The following SNRPN variants were observed in gnomAD, a reference collection of about 807,000 sequenced individuals.
SNRPN encodes small nuclear ribonucleoprotein-associated protein N.
Under a neutral mutation model 25.2 loss-of-function variants are expected in SNRPN, and 7 were observed. The ratio of observed to expected loss-of-function variants is 0.28; its 90% confidence interval spans 0.16 to 0.52. SNRPN has a LOEUF of 0.52. Ranked by LOEUF, SNRPN falls within the 20% of genes least tolerant of loss-of-function variation. The pLI, the probability that SNRPN is intolerant of heterozygous loss-of-function variation, is 0.96. For missense variants in SNRPN, 196 were observed against 322.5 expected (o/e 0.61, Z 3.00); for synonymous variants, 124 against 110.6 (o/e 1.12, Z -0.76).
upstream of SNRPN, among the ~76,000 whole-genome samples, chr15:24,954,736 T>A (rs1245286939): frequency 1.3e-5 from 2 of 152,340 alleles, no homozygotes; most frequent in East Asian, 3.9e-4. Flanking sequence ...TTACACATTT[T>A]AAAAAACAGG....
chr15:24,940,841 A>T (rs756802472), intron 3 of SNRPN, among the ~76,000 whole-genome samples: 1 of 152,160 alleles, frequency 6.6e-6, no homozygotes, highest in Non-Finnish European at 1.5e-5. Flanking sequence ...ATGATGGTAC[A>T]GTCTTGCAAG....
At chr15:24,847,914 T>C (rs2052347516) in intron 2 of SNRPN, among the ~76,000 whole-genome samples, 1 of 151,906 alleles carries the variant, frequency 6.6e-6, no homozygotes, top group South Asian at 2.1e-4. Context: ...CTAAGTTGTT[T>C]GTGTTTCCCT....
At chr15:24,867,381 T>C (rs1247901492) in intron 1 of SNRPN, among the ~76,000 whole-genome samples, 1 of 131,028 alleles carries the variant, frequency 7.6e-6, no homozygotes, top group East Asian at 2.3e-4. Context: ...AATAAGTTTT[T>C]TTTTTTTGGG....
Position 24,968,582 on chromosome 15 carries a change from C to T in SNRPN, c.-144+500C>T, listed in dbSNP as rs535707697. Among the ~76,000 whole-genome samples the T allele has an allele frequency of 5.3e-5, 8 of 152,034 alleles. No individual in the cohort carries two copies. In the South Asian group the frequency reaches 8.3e-4, roughly 16 times the overall value. On this transcript the variant is annotated intron_variant, in intron 3 of 9. Coordinates refer to ENST00000390687, the MANE Select transcript of SNRPN (RefSeq NM_003097.6). ...GTATTAAATTAGTATTCATTGCTTT[C>T]GAAAAATAAAGGGCCAGTTACAACA... is the stretch of plus-strand genomic sequence containing the variant.
At chr15:24,944,331 T>C (rs1306133490) in intron 3 of SNRPN, among the ~76,000 whole-genome samples, 1 of 152,186 alleles carries the variant, frequency 6.6e-6, no homozygotes, top group Admixed American at 6.5e-5. Flanking sequence ...AACTAGACAG[T>C]CTCATTATAC....
upstream of SNRPN, among the ~76,000 whole-genome samples, chr15:24,951,315 C>T (rs759784613): frequency 2.0e-5 from 3 of 152,092 alleles, no homozygotes; most frequent in Non-Finnish European, 4.4e-5. Context: ...ATTTCTCCAC[C>T]TCCTCCACAA....
In SNRPN at chr15:24,975,568, G is replaced by A. The variant is rs549751822; in HGVS notation, c.155+59G>A. The A allele has an allele frequency of 3.3e-5, 47 of 1,436,964 alleles. No homozygotes were observed. In the African/African-American group the frequency reaches 4.9e-4, roughly 15 times the overall value. 89.0% of individuals were successfully genotyped at this position (1,436,964 alleles called of 1,614,324 possible). A position where few individuals can be genotyped will look rare whatever the true frequency, so the allele number is the denominator to read the frequency against. ...CAGAGGCAGTGGGAAGGGAAGGCCAGAGCTGGAGTAAGGGATTTCCGAGGG... is the reference window on the plus strand; with the variant it reads ...CAGAGGCAGTGGGAAGGGAAGGCCAAAGCTGGAGTAAGGGATTTCCGAGGG... On this transcript the variant is annotated intron_variant, in intron 5 of 9. Coordinates refer to ENST00000390687, the MANE Select transcript of SNRPN (RefSeq NM_003097.6).
chr15:24,976,711 A>G (rs1268397049), intron 6 of SNRPN, among the ~76,000 whole-genome samples, 166 bp from the exon 7 acceptor site: 1 of 152,262 alleles, frequency 6.6e-6, no homozygotes, highest in Non-Finnish European at 1.5e-5. Context: ...TGCATTTTAT[A>G]CACAAGATAC....
intron 2 of SNRPN, chr15:24,851,258 C>G (rs923333092): frequency 2.6e-5 from 4 of 152,116 alleles, no homozygotes; most frequent in African/African-American, 9.7e-5. Context: ...ACAAAATAAC[C>G]TCTGATATTT....
chr15:24,839,234 C>A (rs1230408345), intron 2 of SNRPN, among the ~76,000 whole-genome samples: 1 of 151,924 alleles, frequency 6.6e-6, no homozygotes, highest in Non-Finnish European at 1.5e-5. Context: ...TTCAGTAGCT[C>A]CATTGGCTTG....
intron 2 of SNRPN, among the ~76,000 whole-genome samples, chr15:24,845,583 A>C (rs1385000447): frequency 6.6e-6 from 1 of 152,140 alleles, no homozygotes; most frequent in African/African-American, 2.4e-5. Flanking sequence ...GGGCGACAAG[A>C]GCAAAACTCC....
At chr15:24,918,255 A>T (rs1433109721) in intron 2 of SNRPN, among the ~76,000 whole-genome samples, 1 of 150,224 alleles carries the variant, frequency 6.7e-6, no homozygotes, top group African/African-American at 2.4e-5. Flanking sequence ...TTGCCACAGT[A>T]CCACACATTT....
chr15:24,954,972 T>G, upstream of SNRPN: 2 of 1,599,950 alleles, frequency 1.3e-6, no homozygotes, highest in Non-Finnish European at 1.7e-6. Context: ...CTGCCGCTGC[T>G]GCAGCGAGTC....
intron 2 of SNRPN, among the ~76,000 whole-genome samples, chr15:24,919,212 G>A (rs1027486317): frequency 5.3e-5 from 8 of 151,386 alleles, no homozygotes; most frequent in Non-Finnish European, 1.2e-4. Flanking sequence ...GGCGGATCAC[G>A]AGGTCAGGAG....
intron 1 of SNRPN, among the ~76,000 whole-genome samples, chr15:24,868,927 A>C (rs1275104089): frequency 6.6e-6 from 1 of 152,184 alleles, no homozygotes; most frequent in Non-Finnish European, 1.5e-5. Flanking sequence ...ACTTGAGGCC[A>C]GGAGTTCCAG....
rs1208267721 is a variant in SNRPN, at chr15:24,909,600, C to CT, written c.-504-10410dup. The CT allele has an allele frequency of 5.7e-6, 7 of 1,237,124 alleles. No individual in the cohort carries two copies. In the African/African-American group the frequency reaches 1.0e-4, roughly 18 times the overall value. 76.6% of individuals were successfully genotyped at this position (1,237,124 alleles called of 1,614,324 possible). ...AGTTCGTGTGCATATGCTGTGCAGA[C>CT]TATCATATCCCCCTCTATATGGGCA... On this transcript the variant is annotated intron_variant, in intron 2 of 11. Transcript: ENST00000400097.
chr15:24,942,085 C>T (rs1389471103), intron 3 of SNRPN, among the ~76,000 whole-genome samples: 1 of 152,140 alleles, frequency 6.6e-6, no homozygotes, highest in Non-Finnish European at 1.5e-5. Context: ...GCCTAGATGG[C>T]AGTCCTAACT....
intron 3 of SNRPN, among the ~76,000 whole-genome samples, chr15:24,945,321 C>T (rs1313051130): frequency 6.7e-6 from 1 of 148,378 alleles, no homozygotes; most frequent in Non-Finnish European, 1.5e-5. Flanking sequence ...TCCTCCTCTC[C>T]CCCTTTCCCC....
At chr15:24,962,252 C>T (rs773984800) in intron 2 of SNRPN, 43 bp downstream of exon 2, 3 of 1,512,852 alleles carry the variant, frequency 2.0e-6, no homozygotes, top group African/African-American at 1.4e-5. Context: ...GTCAGAATCT[C>T]CTTTCAGATT....
Sources: allele counts gnomAD v4.1 joint callset (sites outside exome capture counted in the v4.1 genomes callset), GRCh38; gene constraint gnomAD v4.1.1; transcripts MANE v1.5; gene names NCBI Gene and HGNC (gene_info 2026-07-23, HGNC 2026-07-21).